FAF1: variants seen among roughly 807,000 people sequenced by gnomAD.
FAF1 encodes FAS-associated factor 1.
Under a neutral mutation model 92.5 loss-of-function variants are expected in FAF1, and 25 were observed. The observed-to-expected ratio is 0.27, with a 90% CI of 0.20 to 0.38. The LOEUF is 0.38. FAF1 is among the 10% of genes least tolerant of loss of function. The pLI is 1.00. For synonymous variants in FAF1, 234 were observed against 273.2 expected, an observed-to-expected ratio of 0.86 and a Z score of 1.42; for missense variants, 636 against 793.3, an observed-to-expected ratio of 0.80 and a Z score of 2.38.
intron 15 of FAF1, among the ~76,000 whole-genome samples, chr1:50,532,329 A>C (rs1648219819): frequency 6.6e-6 from 1 of 152,218 alleles, no homozygotes; most frequent in Non-Finnish European, 1.5e-5. Flanking sequence ...TATGGGGAAC[A>C]CAAATTAAGA....
In FAF1 at chr1:50,439,688, G is replaced by A. The variant is rs527827396; in HGVS notation, c.*1752C>T. 7.9e-5 allele frequency: 12 copies of A among 152,146 alleles called. No individual in the cohort carries two copies. The East Asian group carries it at 2.3e-3, about 29-fold the overall frequency. The allele number at this position is 152,146 out of a possible 1,614,324, so 9.4% of individuals were successfully genotyped here. On this transcript the variant is annotated 3_prime_UTR_variant, in exon 19 of 19. Transcript: ENST00000396153. ...TTCTTCACAGCAGCTACAGAACAAGGTCTACCTAGAAAAAAAAAGAGGTGG... is the reference window on the plus strand; with the variant it reads ...TTCTTCACAGCAGCTACAGAACAAGATCTACCTAGAAAAAAAAAGAGGTGG...
intron 18 of FAF1, among the ~76,000 whole-genome samples, chr1:50,459,089 G>A (rs1646392546): frequency 1.3e-5 from 2 of 151,234 alleles, no homozygotes; most frequent in South Asian, 4.2e-4. Flanking sequence ...CTCCTGTTTC[G>A]GCCTCCTGAG....
At chr1:50,715,167 TC>T (rs1238567446) in intron 6 of FAF1, 1 of 227,060 alleles carries the variant, frequency 4.4e-6, no homozygotes, top group Admixed American at 4.8e-5. Flanking sequence ...ACAGACTTTG[TC>T]CCTGGGGCTC....
intron 7 of FAF1, among the ~76,000 whole-genome samples, chr1:50,698,413 GTC>G (rs1292753938): frequency 6.6e-6 from 1 of 152,100 alleles, no homozygotes; most frequent in African/African-American, 2.4e-5. Context: ...GAGGAGCACT[GTC>G]TCTGTGAAAC....
intron 8 of FAF1, among the ~76,000 whole-genome samples, chr1:50,614,847 A>T (rs1652837422): frequency 6.6e-6 from 1 of 152,098 alleles, no homozygotes; most frequent in Non-Finnish European, 1.5e-5. Flanking sequence ...CTCAAAAAAA[A>T]AAAAAAAAAA....
chr1:50,948,863 T>C (rs1645192542), intron 1 of FAF1, among the ~76,000 whole-genome samples: 1 of 152,156 alleles, frequency 6.6e-6, no homozygotes, highest in African/African-American at 2.4e-5. Context: ...GTGAACTAAC[T>C]GAGCAAGAAT....
At chr1:50,538,236 A>G (rs2149039346) in intron 14 of FAF1, among the ~76,000 whole-genome samples, 1 of 146,380 alleles carries the variant, frequency 6.8e-6, no homozygotes, top group African/African-American at 2.8e-5. Flanking sequence ...ATTTCAGTGT[A>G]AGCAACCACA....
chr1:50,458,126 T>C (rs1192484839), intron 18 of FAF1, among the ~76,000 whole-genome samples: 2 of 151,790 alleles, frequency 1.3e-5, no homozygotes, highest in Admixed American at 6.6e-5. Flanking sequence ...GGCAGGAGAA[T>C]TGCTTAAACC....
intron 2 of FAF1, among the ~76,000 whole-genome samples, chr1:50,836,492 T>C (rs2124639350): frequency 6.6e-6 from 1 of 152,316 alleles, no homozygotes; most frequent in South Asian, 2.1e-4. Context: ...AGTTGCACTG[T>C]CCTAATATTA....
chr1:50,941,975 G>A (rs1184822421), intron 1 of FAF1, among the ~76,000 whole-genome samples: 1 of 152,056 alleles, frequency 6.6e-6, no homozygotes, highest in Non-Finnish European at 1.5e-5. Context: ...ACCCATTTGA[G>A]AAAATGTGGA....
intron 8 of FAF1, among the ~76,000 whole-genome samples, chr1:50,615,268 T>C (rs559393661): frequency 1.3e-3 from 191 of 152,354 alleles, no homozygotes; most frequent in Non-Finnish European, 2.3e-3. Flanking sequence ...TACCACATTT[T>C]CTTTATCCAA....
chr1:50,664,186 C>T (rs1227566347), intron 7 of FAF1, among the ~76,000 whole-genome samples: 5 of 150,454 alleles, frequency 3.3e-5, no homozygotes, highest in East Asian at 4.0e-4. Context: ...TTAGTAGAGA[C>T]GAGGTTTCAC....
chr1:50,591,943 C>T (rs1480002759), intron 9 of FAF1, among the ~76,000 whole-genome samples: 2 of 152,212 alleles, frequency 1.3e-5, no homozygotes, highest in South Asian at 2.1e-4. Context: ...ATGTCACCTC[C>T]TCTAGTCTTT....
chr1:50,664,056 G>A (rs1218190687), intron 7 of FAF1, among the ~76,000 whole-genome samples: 3 of 144,576 alleles, frequency 2.1e-5, no homozygotes, highest in African/African-American at 7.9e-5. Flanking sequence ...GGAGTGTAGT[G>A]ACGCGATCTT....
intron 4 of FAF1, among the ~76,000 whole-genome samples, chr1:50,749,442 G>T (rs559623592): frequency 6.6e-6 from 1 of 152,172 alleles, no homozygotes; most frequent in African/African-American, 2.4e-5. Flanking sequence ...AGAAAGAGAG[G>T]AATAGAAAAA....
At chr1:50,562,438 C>A (rs552537043) in intron 13 of FAF1, among the ~76,000 whole-genome samples, 1 of 152,112 alleles carries the variant, frequency 6.6e-6, no homozygotes, top group Admixed American at 6.5e-5. Context: ...GTTCCCCATA[C>A]GTAATTATGA....
intron 2 of FAF1, among the ~76,000 whole-genome samples, chr1:50,816,992 A>C (rs1165255888): frequency 6.6e-6 from 1 of 152,138 alleles, no homozygotes; most frequent in Non-Finnish European, 1.5e-5. Context: ...AGATGGCTGT[A>C]GGTGTGCAGC....
intron 12 of FAF1, among the ~76,000 whole-genome samples, chr1:50,572,226 T>C (rs1397945653): frequency 6.6e-6 from 1 of 152,232 alleles, no homozygotes; most frequent in Non-Finnish European, 1.5e-5. Context: ...CATTAGCATT[T>C]TGCCATATTT....
intron 1 of FAF1, among the ~76,000 whole-genome samples, chr1:50,954,169 A>G (rs113836734): frequency 0.12 from 18,369 of 152,032 alleles, 1,375 homozygotes; most frequent in African/African-American, 0.22. Flanking sequence ...GGATGGTCTC[A>G]ATCTCCTGAC....
Sources: gnomAD v4.1 joint callset for allele counts (sites outside exome capture counted in the v4.1 genomes callset) on GRCh38, gnomAD v4.1.1 for gene constraint, MANE v1.5 for transcripts, NCBI Gene and HGNC (gene_info 2026-07-23, HGNC 2026-07-21) for gene names.